The following STRBP variants were observed in gnomAD, a reference collection of about 807,000 sequenced individuals.
STRBP encodes spermatid perinuclear RNA-binding protein.
In STRBP, 13 loss-of-function variants were observed where a neutral mutation model predicts 80.1. The observed-to-expected ratio is 0.16, with a 90% CI of 0.11 to 0.26. The LOEUF is 0.26. Ranked by LOEUF, STRBP falls within the 10% of genes least tolerant of loss-of-function variation. The pLI, the probability that STRBP is intolerant of heterozygous loss-of-function variation, is 1.00. For missense variants in STRBP, 485 were observed against 815.2 expected, an observed-to-expected ratio of 0.59 and a Z score of 4.93; for synonymous variants, 284 against 291.2, an observed-to-expected ratio of 0.98 and a Z score of 0.25.
chr9:123,184,063 T>A, intron 3 of STRBP, 69 bp downstream of exon 3: 2 of 1,519,964 alleles, frequency 1.3e-6, no homozygotes, highest in South Asian at 2.3e-5. Context: ...CCCTCACTGT[T>A]AACATTTCTA....
At chr9:123,247,421 C>G (rs1246443659) in intron 1 of STRBP, among the ~76,000 whole-genome samples, 3 of 152,188 alleles carry the variant, frequency 2.0e-5, no homozygotes, top group Admixed American at 6.5e-5. Context: ...GCTCCCGCCA[C>G]CCCATCTGGC....
intron 2 of STRBP, among the ~76,000 whole-genome samples, chr9:123,194,108 A>G (rs1435558034): frequency 6.6e-6 from 1 of 152,178 alleles, no homozygotes; most frequent in Non-Finnish European, 1.5e-5. Context: ...AGGAGCCTCA[A>G]TGAAAAAGTT....
At chr9:123,231,980 T>C (rs929508982) in intron 2 of STRBP, among the ~76,000 whole-genome samples, 2 of 152,204 alleles carry the variant, frequency 1.3e-5, no homozygotes, top group African/African-American at 2.4e-5. Context: ...AGGAATATCC[T>C]TCCTTCCCAC....
intron 17 of STRBP, among the ~76,000 whole-genome samples, chr9:123,130,566 A>G (rs1412332066): frequency 6.6e-6 from 1 of 152,184 alleles, no homozygotes; most frequent in Admixed American, 6.5e-5. Context: ...CCAATAGAAC[A>G]CATCATCAAA....
intron 3 of STRBP, among the ~76,000 whole-genome samples, chr9:123,183,426 G>C (rs2038571505): frequency 6.6e-6 from 1 of 151,042 alleles, no homozygotes; most frequent in Non-Finnish European, 1.5e-5. Flanking sequence ...AACAGGGTGA[G>C]ACTCCGTCTT....
intron 5 of STRBP, among the ~76,000 whole-genome samples, chr9:123,172,344 G>A (rs1035256164): frequency 6.6e-6 from 1 of 152,102 alleles, no homozygotes; most frequent in African/African-American, 2.4e-5. Context: ...ATTGAAACGG[G>A]AACTTTATTA....
At chr9:123,257,557 G>A (rs1394499488) in intron 1 of STRBP, among the ~76,000 whole-genome samples, 4 of 152,230 alleles carry the variant, frequency 2.6e-5, no homozygotes, top group Non-Finnish European at 5.9e-5. Context: ...GCTCATGCCT[G>A]TAATCCCAGG....
At chr9:123,223,487 TACA>T (rs2040138752) in intron 2 of STRBP, among the ~76,000 whole-genome samples, 1 of 152,174 alleles carries the variant, frequency 6.6e-6, no homozygotes, top group Admixed American at 6.5e-5. Context: ...CTTTTTGTAT[TACA>T]TGCTCAATTT....
chr9:123,110,039 G>A lies in STRBP; in HGVS notation c.*85-286C>T, dbSNP rs571357822. The stretch of plus-strand genomic sequence containing the variant: ...GCCATGTGTGTAACCGTGCGGTAGG[G>A]AAAGGTTTCTATCCACGACTACGCT... On this transcript the variant is annotated intron_variant and NMD_transcript_variant, in intron 3 of 3. Transcript: ENST00000471564. This position sits in a 1 kb window ranked among gnomAD's most constrained non-coding sequence, Gnocchi z 4.1. 3 of 152,372 alleles carry A rather than the reference G, an allele frequency of 2.0e-5. No homozygotes were observed. Among genetic ancestry groups the A allele is most frequent in the African/African-American group, 7.2e-5 (3 of 41,570 alleles). 9.4% of individuals were successfully genotyped at this position (152,372 alleles called of 1,614,324 possible). A position where few individuals can be genotyped will look rare whatever the true frequency, so the allele number is the denominator to read the frequency against.
chr9:123,164,451 C>T (rs1268396237), intron 6 of STRBP, among the ~76,000 whole-genome samples: 2 of 152,172 alleles, frequency 1.3e-5, no homozygotes, highest in African/African-American at 2.4e-5. Flanking sequence ...TCTACTATGC[C>T]TAACCATGTT....
intron 1 of STRBP, among the ~76,000 whole-genome samples, chr9:123,239,360 G>A (rs749792819): frequency 9.2e-5 from 14 of 151,952 alleles, no homozygotes; most frequent in Non-Finnish European, 1.8e-4. Context: ...GGGTGACAGA[G>A]CGAGACTCTG....
Position 123,115,516 on chromosome 9 carries a change from G to A in STRBP, c.*84+413C>T. On this transcript the variant is annotated intron_variant and NMD_transcript_variant, in intron 3 of 3. Transcript: ENST00000471564. This position sits in a 1 kb window ranked among gnomAD's most constrained non-coding sequence, Gnocchi z 5.0. ...CCCTGTACTCTCCATCTGGGTCAAT[G>A]ATTTCACCTTCTACTCAGTTGTCTA... 1 of 380,862 alleles carries A rather than the reference G, an allele frequency of 2.6e-6. No homozygotes were observed. Among genetic ancestry groups the A allele is most frequent in the Non-Finnish European group, 5.4e-6 (1 of 184,796 alleles). The allele number at this position is 380,862 out of a possible 1,614,324, so 23.6% of individuals were successfully genotyped here. A position where few individuals can be genotyped will look rare whatever the true frequency, so the allele number is the denominator to read the frequency against.
In STRBP at chr9:123,152,345, ACACACAAAAACCTGTGTTTTTGTGACTTG is replaced by A. The variant is rs1476546365; in HGVS notation, c.1046-4504_1046-4476del. ...CACAGGAGAATTGGTGACAAATCTA[ACACACAAAAACCTGTGTTTTTGTGACTTG>A]CCCACAAAAACCTAAATTTTATATA... On this transcript the variant is annotated intron_variant, in intron 11 of 18. Coordinates refer to ENST00000348403, the MANE Select transcript of STRBP (RefSeq NM_018387.5). Among the ~76,000 whole-genome samples the A allele has an allele frequency of 2.6e-5, 4 of 152,270 alleles. No homozygotes were observed. In the East Asian group the frequency reaches 7.7e-4, roughly 29 times the overall value.
intron 14 of STRBP, among the ~76,000 whole-genome samples, chr9:123,138,757 TTTC>T (rs1464626933): frequency 2.0e-5 from 3 of 152,188 alleles, no homozygotes; most frequent in Non-Finnish European, 4.4e-5. Flanking sequence ...CTGCACACAA[TTTC>T]TGAAACACCT....
intron 2 of STRBP, chr9:123,212,650 A>G (rs1181804860): frequency 6.6e-6 from 1 of 152,220 alleles, no homozygotes; most frequent in Non-Finnish European, 1.5e-5. Context: ...TATCAAGAAT[A>G]TTATCCACAG....
At chr9:123,187,787 CAT>C (rs1476815618) in intron 2 of STRBP, among the ~76,000 whole-genome samples, 2 of 141,960 alleles carry the variant, frequency 1.4e-5, no homozygotes, top group East Asian at 2.0e-4. Context: ...ACCCACCACA[CAT>C]AGTTTCTCCT....
intron 2 of STRBP, among the ~76,000 whole-genome samples, chr9:123,221,300 C>T (rs887241847): frequency 3.9e-5 from 6 of 152,148 alleles, no homozygotes; most frequent in Non-Finnish European, 5.9e-5. Context: ...ACATCCTCCA[C>T]GGGTGGTGGC....
chr9:123,184,136 G>A lies in STRBP; in HGVS notation c.-2C>T. The A allele has an allele frequency of 6.2e-7, 1 of 1,608,116 alleles. No individual in the cohort carries two copies. The highest frequency in any genetic ancestry group is 2.2e-5 in the East Asian group (1 of 44,746). On this transcript the variant is annotated 5_prime_UTR_variant, in exon 3 of 19. Transcript: ENST00000348403. ...AAAATATCCACAATAACCTACCATGGTTTTCTATAGTATTTTAGCTTCTTT... is the reference window on the plus strand; with the variant it reads ...AAAATATCCACAATAACCTACCATGATTTTCTATAGTATTTTAGCTTCTTT...
At position 123,139,615 on chromosome 9, in the gene STRBP, C is replaced by G. The variant is rs752975710; in HGVS notation, c.1411G>C (p.Asp471His). The G allele has an allele frequency of 6.2e-7, 1 of 1,612,638 alleles. No individual in the cohort carries two copies. Among genetic ancestry groups the G allele is most frequent in the South Asian group, 1.1e-5 (1 of 90,860 alleles). Residue 471 changes from aspartate to histidine, a missense_variant, in exon 14 of 19, where the codon GAT becomes CAT. Transcript: ENST00000348403. ...ACTGTTTCATTTTTACTTTCATTATCTGATTTTTCATCGGAACTCATACAT... is the reference window on the plus strand; with the variant it reads ...ACTGTTTCATTTTTACTTTCATTATGTGATTTTTCATCGGAACTCATACAT... ...IECMSSDEKS[D>H]NESKNETVSS...
Sources: gnomAD v4.1 joint callset for allele counts (sites outside exome capture counted in the v4.1 genomes callset) on GRCh38, gnomAD v4.1.1 for gene constraint, Gnocchi (gnomAD v3.1) non-coding constraint, MANE v1.5 for transcripts, NCBI Gene and HGNC (gene_info 2026-07-23, HGNC 2026-07-21) for gene names.